Variants in GLRA1 observed in about 807,000 individuals in gnomAD.
The protein encoded by GLRA1 is glycine receptor subunit alpha-1.
A neutral mutation model predicts 48.3 loss-of-function variants in GLRA1; 37 were observed. The observed-to-expected ratio is 0.77, with a 90% CI of 0.59 to 1.01. GLRA1 has a LOEUF of 1.01. Among genes scored for constraint, GLRA1 ranks in the 50% least tolerant of loss-of-function variants. The pLI, the probability that GLRA1 is intolerant of heterozygous loss-of-function variation, is 0.00. For missense variants in GLRA1, 427 were observed against 571.0 expected (o/e 0.75, Z 2.57); for synonymous variants, 196 against 210.7 (o/e 0.93, Z 0.60).
intron 3 of GLRA1, among the ~76,000 whole-genome samples, chr5:151,873,188 A>T (rs1396090248): frequency 1.3e-5 from 2 of 149,494 alleles, no homozygotes; most frequent in African/African-American, 5.1e-5. Context: ...CCCGAAATGG[A>T]AAGGTCTTTG....
At chr5:151,837,909 T>C (rs998180620) in intron 7 of GLRA1, among the ~76,000 whole-genome samples, 2 of 152,122 alleles carry the variant, frequency 1.3e-5, no homozygotes, top group East Asian at 3.9e-4. Flanking sequence ...TGTATACCTA[T>C]GTAACAAACC....
chr5:151,889,829 G>A (rs1007985747), intron 2 of GLRA1, among the ~76,000 whole-genome samples: 1 of 152,106 alleles, frequency 6.6e-6, no homozygotes, highest in Non-Finnish European at 1.5e-5. Context: ...AATTTTTCAG[G>A]CCTCAGTACA....
At chr5:151,898,404 C>T (rs1754276303) in intron 1 of GLRA1, among the ~76,000 whole-genome samples, 2 of 152,104 alleles carry the variant, frequency 1.3e-5, no homozygotes, top group Non-Finnish European at 2.9e-5. Flanking sequence ...CCAGTTGCAA[C>T]ATCAATTGAA....
intron 7 of GLRA1, among the ~76,000 whole-genome samples, chr5:151,840,681 C>T (rs1481217654): frequency 6.7e-6 from 1 of 149,108 alleles, no homozygotes; most frequent in Non-Finnish European, 1.5e-5. Flanking sequence ...AAAAACATAC[C>T]ATGTAAACAG....
chr5:151,856,298 C>CA lies in GLRA1; in HGVS notation c.559+2dup. On this transcript the variant is annotated splice_region_variant and intron_variant, in intron 5 of 8. Transcript: ENST00000274576. ...TTCTAGAGGACTCATGCAAGACACTCACAGCTTTCCAGTTGCATGATACAT... is the reference window on the plus strand; with the variant it reads ...TTCTAGAGGACTCATGCAAGACACTCAACAGCTTTCCAGTTGCATGATACAT... The CA allele has an allele frequency of 1.2e-6, 2 of 1,602,788 alleles. No individual in the cohort carries two copies. Among genetic ancestry groups the CA allele is most frequent in the Non-Finnish European group, 1.7e-6 (2 of 1,170,192 alleles).
rs576760163 is a variant in GLRA1 at position 151,883,250 on chromosome 5, A to T, written c.252+3471T>A. ...ACCATCTCCTCTGGGGTCCTTTGTT[A>T]TCTCCATTATCATTACTTACTATTT... On this transcript the variant is annotated intron_variant, in intron 3 of 8. Coordinates refer to ENST00000274576, the MANE Select transcript of GLRA1 (RefSeq NM_000171.4). 3.9e-5 allele frequency among the ~76,000 whole-genome samples: 6 copies of T among 152,198 alleles called. No individual in the cohort carries two copies. In the South Asian group the frequency reaches 1.2e-3, roughly 32 times the overall value.
At chr5:151,895,065 A>G (rs531196832) in intron 1 of GLRA1, among the ~76,000 whole-genome samples, 1 of 149,640 alleles carries the variant, frequency 6.7e-6, no homozygotes, top group Admixed American at 6.6e-5. Context: ...GATTGTATAG[A>G]TGTGTTATGT....
At chr5:151,887,411 T>G (rs535394465) in intron 2 of GLRA1, among the ~76,000 whole-genome samples, 1 of 152,342 alleles carries the variant, frequency 6.6e-6, no homozygotes, top group Non-Finnish European at 1.5e-5. Flanking sequence ...TGAAGCCCAA[T>G]CTCTTCACTT....
intron 8 of GLRA1, among the ~76,000 whole-genome samples, chr5:151,828,195 A>G (rs1487373066): frequency 6.6e-6 from 1 of 152,194 alleles, no homozygotes. Context: ...AGTACAGGGA[A>G]AGAGAACAAG....
chr5:151,895,226 A>G (rs1163875953), intron 1 of GLRA1, among the ~76,000 whole-genome samples: 1 of 152,136 alleles, frequency 6.6e-6, no homozygotes, highest in Non-Finnish European at 1.5e-5. Flanking sequence ...TGTGGCATTT[A>G]ATATGGGCAT....
chr5:151,831,415 G>A (rs1166383549), intron 7 of GLRA1, among the ~76,000 whole-genome samples: 1 of 152,240 alleles, frequency 6.6e-6, no homozygotes, highest in East Asian at 1.9e-4. Context: ...AATTCTCGCT[G>A]CCAGCACAGC....
chr5:151,856,347 C>A lies in GLRA1; in HGVS notation c.513G>T (p.Lys171Asn). ...TLTLACPMDL[K>N]NFPMDVQTCI... is the part of the protein sequence containing the mutation. ...ATGTCTGGACATCCATGGGGAAATT[C>A]TTCAAGTCCATGGGGCAGGCCAGTG... Residue 171 changes from lysine to asparagine, a missense_variant, in exon 5 of 9, where the codon AAG (lysine) becomes AAT (asparagine). Around this residue, in one of 4 missense-constraint regions of GLRA1, gnomAD observed 271 missense variants for 434.9 expected, o/e 0.62. Transcript: ENST00000274576. The A allele has an allele frequency of 6.2e-7, 1 of 1,612,452 alleles. No homozygotes were observed. The highest frequency in any genetic ancestry group is 8.5e-7 in the Non-Finnish European group (1 of 1,178,824).
chr5:151,876,399 G>C (rs1490722601), intron 3 of GLRA1, among the ~76,000 whole-genome samples: 2 of 151,932 alleles, frequency 1.3e-5, no homozygotes, highest in South Asian at 2.1e-4. Context: ...ATTTGGTGCC[G>C]ATCAGTTTAG....
At chr5:151,916,626 G>A (rs556220181) in intron 1 of GLRA1, among the ~76,000 whole-genome samples, 2 of 152,324 alleles carry the variant, frequency 1.3e-5, no homozygotes, top group East Asian at 1.9e-4. Context: ...GCTATGCAAA[G>A]TTGAGAGTAC....
chr5:151,877,670 A>G (rs964924497), intron 3 of GLRA1, among the ~76,000 whole-genome samples: 2 of 152,178 alleles, frequency 1.3e-5, no homozygotes, highest in African/African-American at 4.8e-5. Context: ...GGTCTTTCCC[A>G]TGCTGTTCTC....
intron 7 of GLRA1, among the ~76,000 whole-genome samples, chr5:151,838,365 A>T (rs1201019772): frequency 2.0e-5 from 3 of 152,186 alleles, no homozygotes; most frequent in Admixed American, 2.0e-4. Flanking sequence ...GCTACTCGGG[A>T]GGCTAAGATT....
intron 7 of GLRA1, among the ~76,000 whole-genome samples, chr5:151,832,242 T>C (rs1357032880): frequency 6.6e-6 from 1 of 152,216 alleles, no homozygotes; most frequent in South Asian, 2.1e-4. Flanking sequence ...ATGCCTTTTC[T>C]CTTCCAAAGG....
intron 1 of GLRA1, among the ~76,000 whole-genome samples, chr5:151,924,124 CTG>C (rs953064389): frequency 1.1e-4 from 17 of 152,150 alleles, no homozygotes; most frequent in African/African-American, 3.9e-4. Context: ...CCTAATTAAA[CTG>C]AGTAACTCCT....
intron 5 of GLRA1, 99 bp downstream of exon 5, chr5:151,856,202 G>C: frequency 1.3e-6 from 1 of 784,338 alleles, no homozygotes; most frequent in Non-Finnish European, 2.3e-6. Context: ...GTAATCTCCT[G>C]GGGTCTAGTG....
Sources: allele counts gnomAD v4.1 joint callset (sites outside exome capture counted in the v4.1 genomes callset), GRCh38; gene constraint gnomAD v4.1.1; regional missense constraint gnomAD v4.1.1; transcripts MANE v1.5; gene names NCBI Gene and HGNC (gene_info 2026-07-23, HGNC 2026-07-21).